The following NRG3 variants were observed in gnomAD, a reference collection of about 807,000 sequenced individuals.
The protein encoded by NRG3 is pro-neuregulin-3, membrane-bound isoform.
NRG3 carries 31 observed loss-of-function variants against 66.9 expected under a neutral mutation model. That is an observed-to-expected ratio of 0.46 (90% confidence interval 0.35 to 0.63). The LOEUF is 0.63. NRG3 is among the 20% of genes least tolerant of loss of function. The pLI, the probability that NRG3 is intolerant of heterozygous loss-of-function variation, is 0.00. For synonymous variants in NRG3, 393 were observed against 359.4 expected (o/e 1.09, Z -1.06); for missense variants, 910 against 878.9 (o/e 1.04, Z -0.45).
intron 6 of NRG3, among the ~76,000 whole-genome samples, chr10:82,972,948 G>T (rs1442096662): frequency 6.6e-6 from 1 of 152,038 alleles, no homozygotes; most frequent in Non-Finnish European, 1.5e-5. Flanking sequence ...TGACACATTG[G>T]GTACTGAATA....
chr10:82,522,012 T>C (rs748780175), intron 2 of NRG3, among the ~76,000 whole-genome samples: 42 of 150,684 alleles, frequency 2.8e-4, no homozygotes, highest in Non-Finnish European at 5.8e-4. Flanking sequence ...GTTTCCACCA[T>C]ATCTGCAGTT....
At chr10:82,432,495 T>TAAAA (rs532419949) in intron 2 of NRG3, among the ~76,000 whole-genome samples, 7 of 118,008 alleles carry the variant, frequency 5.9e-5, no homozygotes, top group African/African-American at 1.5e-4. Flanking sequence ...GTATTTCTTC[T>TAAAA]AAAAAAAAAA....
chr10:81,952,441 G>T (rs1052014151), intron 1 of NRG3, among the ~76,000 whole-genome samples: 1 of 151,952 alleles, frequency 6.6e-6, no homozygotes. Context: ...CGGCAGGGGG[G>T]TGCGGAGAGA....
rs1454825272 is a variant in NRG3 at position 82,637,039 on chromosome 10, T to C, written c.954-101538T>C. Among the ~76,000 whole-genome samples the C allele has an allele frequency of 4.6e-5, 7 of 152,120 alleles. No homozygotes were observed. In the South Asian group the frequency reaches 6.2e-4, roughly 14 times the overall value. ...TTATAGTGTATTGTATTCAGGATTT[T>C]TGCTAAATGACTAGATTGTAACTGC... On this transcript the variant is annotated intron_variant, in intron 2 of 8. Transcript: ENST00000372141.
intron 1 of NRG3, among the ~76,000 whole-genome samples, chr10:82,149,707 G>GTTT (rs11345621): frequency 2.1e-5 from 3 of 141,518 alleles, no homozygotes; most frequent in Non-Finnish European, 1.6e-5. Flanking sequence ...AGAAAGCTCT[G>GTTT]TTTTTTTTTT....
At chr10:82,615,308 A>C (rs2048576062) in intron 2 of NRG3, among the ~76,000 whole-genome samples, 1 of 152,272 alleles carries the variant, frequency 6.6e-6, no homozygotes, top group African/African-American at 2.4e-5. Context: ...CTGGCTGCCG[A>C]GCCATGTACA....
chr10:82,116,628 G>A (rs536961805), intron 1 of NRG3, among the ~76,000 whole-genome samples: 36 of 152,220 alleles, frequency 2.4e-4, no homozygotes, highest in Non-Finnish European at 1.5e-5. Flanking sequence ...TGTTTCTGAA[G>A]TAAATCTTTT....
At chr10:82,476,007 TTTAAAAAAAGAGCAAATGAC>T (rs368015711) in intron 2 of NRG3, among the ~76,000 whole-genome samples, 3 of 152,166 alleles carry the variant, frequency 2.0e-5, no homozygotes, top group African/African-American at 7.2e-5. Flanking sequence ...AACAACTTGA[TTTAAAAAAAGAGCAAATGAC>T]TTGAATAGAC....
At chr10:82,069,403 C>T (rs1421013704) in intron 1 of NRG3, among the ~76,000 whole-genome samples, 1 of 152,200 alleles carries the variant, frequency 6.6e-6, no homozygotes, top group Non-Finnish European at 1.5e-5. Flanking sequence ...TTACTCATCT[C>T]TTCTTACAAT....
chr10:82,923,316 A>G (rs1846632866), intron 4 of NRG3, among the ~76,000 whole-genome samples: 1 of 152,038 alleles, frequency 6.6e-6, no homozygotes, highest in Non-Finnish European at 1.5e-5. Flanking sequence ...CCTCCACCTA[A>G]TCTCTACTCT....
At chr10:82,695,194 T>A (rs1328114024) in intron 2 of NRG3, among the ~76,000 whole-genome samples, 1 of 152,172 alleles carries the variant, frequency 6.6e-6, no homozygotes, top group Non-Finnish European at 1.5e-5. Context: ...TTTATGTGTA[T>A]GTATTTAAAA....
chr10:82,168,390 A>T (rs1050044854), intron 1 of NRG3, among the ~76,000 whole-genome samples: 7 of 152,162 alleles, frequency 4.6e-5, no homozygotes, highest in Admixed American at 3.9e-4. Flanking sequence ...TGGAGTGGTC[A>T]GAGTCCCCAG....
At chr10:82,555,477 T>G (rs1490151867) in intron 2 of NRG3, among the ~76,000 whole-genome samples, 2 of 152,186 alleles carry the variant, frequency 1.3e-5, no homozygotes, top group African/African-American at 4.8e-5. Flanking sequence ...TCATAGAGCT[T>G]CTTTTTTTCC....
At chr10:82,142,711 T>C (rs1326826318) in intron 1 of NRG3, among the ~76,000 whole-genome samples, 1 of 150,686 alleles carries the variant, frequency 6.6e-6, no homozygotes, top group Non-Finnish European at 1.5e-5. Context: ...TGTCCTAGTA[T>C]AAGAGGTTCT....
chr10:82,610,237 G>A (rs2048224086), intron 2 of NRG3, among the ~76,000 whole-genome samples: 1 of 152,092 alleles, frequency 6.6e-6, no homozygotes, highest in African/African-American at 2.4e-5. Flanking sequence ...ACTTTTAAGT[G>A]ACTTGATTGG....
At chr10:82,607,917 C>T (rs1254829695) in intron 2 of NRG3, among the ~76,000 whole-genome samples, 2 of 152,108 alleles carry the variant, frequency 1.3e-5, no homozygotes, top group African/African-American at 2.4e-5. Context: ...ATTCATTTCA[C>T]TTTTCCATGA....
intron 2 of NRG3, among the ~76,000 whole-genome samples, chr10:82,687,509 T>C (rs1454638547): frequency 6.6e-6 from 1 of 152,190 alleles, no homozygotes; most frequent in African/African-American, 2.4e-5. Flanking sequence ...TTCAGCAGAT[T>C]CTGTGATTCT....
chr10:82,785,597 G>A (rs1469627654), intron 3 of NRG3, among the ~76,000 whole-genome samples: 1 of 152,132 alleles, frequency 6.6e-6, no homozygotes, highest in Non-Finnish European at 1.5e-5. Flanking sequence ...GTGGAATTAT[G>A]TCTGTGTCCT....
chr10:82,053,215 T>C (rs534107310), intron 1 of NRG3, among the ~76,000 whole-genome samples: 5 of 152,162 alleles, frequency 3.3e-5, no homozygotes, highest in Non-Finnish European at 2.9e-5. Flanking sequence ...CTGGTGGTTG[T>C]AATAAATAAT....
Sources: gnomAD v4.1 joint callset for allele counts (sites outside exome capture counted in the v4.1 genomes callset) on GRCh38, gnomAD v4.1.1 for gene constraint, MANE v1.5 for transcripts, NCBI Gene and HGNC (gene_info 2026-07-23, HGNC 2026-07-21) for gene names.